LRTM3: variants seen among roughly 807,000 people sequenced by gnomAD.
LRTM3 encodes leucine rich repeat transmembrane protein 3.
At chr13:102,733,400 G>A in the LRTM3 span, 1 of 1,551,288 alleles carries the variant, frequency 6.4e-7, no homozygotes, top group Non-Finnish European at 8.7e-7. Flanking sequence ...TTTCGATGAA[G>A]TTTCTTGCTG....
At chr13:102,746,536 C>T in the LRTM3 span, 1 of 1,550,964 alleles carries the variant, frequency 6.4e-7, no homozygotes, top group Non-Finnish European at 8.7e-7. Flanking sequence ...ATTCTGATTT[C>T]TTTCTGTGGC....
chr13:102,732,907 T>C, the LRTM3 span: 5 of 1,551,356 alleles, frequency 3.2e-6, no homozygotes, highest in African/African-American at 6.8e-5. Context: ...GATCCCCTGA[T>C]TGAAATTGAA....
At chr13:102,742,976 T>G in the LRTM3 span, 1 of 1,541,056 alleles carries the variant, frequency 6.5e-7, no homozygotes, top group Middle Eastern at 1.7e-4. Context: ...ATTTTTGTTT[T>G]TTTCTATTTT....
chr13:102,741,530 T>A, the LRTM3 span: 1 of 1,550,090 alleles, frequency 6.5e-7, no homozygotes, highest in East Asian at 2.4e-5. Flanking sequence ...AATGTACACA[T>A]CTTCTTCCTC....
chr13:102,747,520 A>T, the LRTM3 span: 1 of 1,550,780 alleles, frequency 6.4e-7, no homozygotes, highest in Non-Finnish European at 8.7e-7. Context: ...GCAAGTGGTT[A>T]TTGAAAGACC....
the LRTM3 span, among the ~76,000 whole-genome samples, chr13:102,756,861 C>T: frequency 2.0e-5 from 3 of 152,008 alleles, no homozygotes; most frequent in Non-Finnish European, 2.9e-5. Flanking sequence ...ATGAATTTCC[C>T]TTAACGCCCC....
chr13:102,737,829 C>T, the LRTM3 span: 10 of 1,550,816 alleles, frequency 6.4e-6, no homozygotes, highest in Admixed American at 9.8e-5. Context: ...TGTTGGTCTT[C>T]CTCTCCTTCT....
the LRTM3 span, chr13:102,740,964 C>G: frequency 1.9e-6 from 3 of 1,550,140 alleles, no homozygotes; most frequent in Non-Finnish European, 2.6e-6. Flanking sequence ...TGTATTCCTT[C>G]TGAACATGGA....
the LRTM3 span, chr13:102,735,053 A>T: frequency 1.3e-6 from 2 of 1,551,234 alleles, no homozygotes; most frequent in South Asian, 2.4e-5. Flanking sequence ...CCCTGTATTC[A>T]CATTAAGGTG....
the LRTM3 span, chr13:102,743,802 T>G: frequency 3.4e-5 from 52 of 1,550,490 alleles, no homozygotes; most frequent in East Asian, 1.2e-3. Context: ...TTTTCCTTCA[T>G]AGTTAAACAT....
the LRTM3 span, chr13:102,740,645 T>C: frequency 3.2e-6 from 5 of 1,548,566 alleles, no homozygotes; most frequent in Admixed American, 7.9e-5. Context: ...ATGTGGAATA[T>C]CCATAGCATC....
chr13:102,733,862 T>C, the LRTM3 span: 1 of 1,551,398 alleles, frequency 6.4e-7, no homozygotes, highest in Non-Finnish European at 8.7e-7. Flanking sequence ...CTGTTCTGCT[T>C]GCTTAACAAC....
chr13:102,746,909 A>G, the LRTM3 span: 6 of 1,551,180 alleles, frequency 3.9e-6, no homozygotes, highest in Non-Finnish European at 2.6e-6. Context: ...AGTACTCTTC[A>G]CATTCTCAGC....
the LRTM3 span, among the ~76,000 whole-genome samples, chr13:102,751,563 C>T: frequency 3.3e-5 from 5 of 152,156 alleles, no homozygotes; most frequent in South Asian, 2.1e-4. Flanking sequence ...TGATAAATTT[C>T]GATAGTCACT....
the LRTM3 span, chr13:102,740,673 T>C: frequency 1.3e-6 from 2 of 1,548,134 alleles, no homozygotes; most frequent in East Asian, 2.4e-5. Flanking sequence ...TCTTGTTGCA[T>C]AGATGCATTG....
At chr13:102,730,076 T>G in the LRTM3 span, 4 of 1,551,074 alleles carry the variant, frequency 2.6e-6, no homozygotes, top group South Asian at 4.8e-5. Flanking sequence ...GTCAGGAGAT[T>G]TCATTTTGGA....
chr13:102,755,961 A>ATAT, the LRTM3 span, among the ~76,000 whole-genome samples: 466 of 53,406 alleles, frequency 8.7e-3, 5 homozygotes, highest in African/African-American at 0.025. Flanking sequence ...ATATATATAT[A>ATAT]TTTTTTTTTT....
chr13:102,742,812 C>T, the LRTM3 span: 6 of 1,550,358 alleles, frequency 3.9e-6, no homozygotes, highest in Non-Finnish European at 5.2e-6. Context: ...ACAATTGCTG[C>T]CAAATTACAG....
At chr13:102,734,363 G>A in the LRTM3 span, 51 of 1,551,350 alleles carry the variant, frequency 3.3e-5, no homozygotes, top group East Asian at 4.4e-4. Context: ...ATCTGCATGC[G>A]TAGCTCTCTC....
Sources: gnomAD v4.1 joint callset for allele counts (sites outside exome capture counted in the v4.1 genomes callset) on GRCh38, gnomAD v4.1.1 for gene constraint, MANE v1.5 for transcripts, NCBI Gene and HGNC (gene_info 2026-07-23, HGNC 2026-07-21) for gene names.